CHCHD3: variants seen among roughly 807,000 people sequenced by gnomAD.
CHCHD3 encodes MICOS complex subunit MIC19.
Under a neutral mutation model 38.2 loss-of-function variants are expected in CHCHD3, and 20 were observed. The observed-to-expected ratio is 0.52, with a 90% confidence interval of 0.37 to 0.76. The LOEUF (loss-of-function observed/expected upper bound fraction) is 0.76. CHCHD3 is among the 30% of genes least tolerant of loss of function. The probability of loss-of-function intolerance (pLI) is 0.00; values close to 1 mark genes in which losing one functional copy is unlikely to be tolerated. For missense variants in CHCHD3, 245 were observed against 279.2 expected, an observed-to-expected ratio of 0.88 and a Z score of 0.87; for synonymous variants, 82 against 100.0, an observed-to-expected ratio of 0.82 and a Z score of 1.07.
In CHCHD3 at chr7:132,815,659, C is replaced by T. The variant is rs750147294; in HGVS notation, c.525-19082G>A. On this transcript the variant is annotated intron_variant, in intron 6 of 7. Coordinates refer to ENST00000262570, the MANE Select transcript of CHCHD3 (RefSeq NM_017812.4). ...GGTAGGAAAAAAAGTGAAAAGAGAA[C>T]AGAGAAAAGATATGAAAATTGCATT... The T allele has an allele frequency of 5.8e-4, 261 of 451,492 alleles. 2 individuals carry two copies. The highest frequency in any genetic ancestry group is 1.4e-4 in the Non-Finnish European group (32 of 225,456). 28.0% of individuals were successfully genotyped at this position (451,492 alleles called of 1,614,324 possible).
At chr7:132,985,626 T>G (rs1812089734) in intron 3 of CHCHD3, among the ~76,000 whole-genome samples, 1 of 69,038 alleles carries the variant, frequency 1.4e-5, no homozygotes, top group African/African-American at 5.6e-5. Context: ...CCGCCCCTAC[T>G]GGGAAGAGAG....
At chr7:133,037,438 G>C (rs1034450635) in intron 2 of CHCHD3, among the ~76,000 whole-genome samples, 1 of 152,148 alleles carries the variant, frequency 6.6e-6, no homozygotes, top group African/African-American at 2.4e-5. Context: ...AAAGATACCA[G>C]GCTGAACACA....
chr7:132,846,923 G>A (rs1442888397), intron 5 of CHCHD3, among the ~76,000 whole-genome samples: 4 of 152,224 alleles, frequency 2.6e-5, no homozygotes, highest in Non-Finnish European at 4.4e-5. Flanking sequence ...TACAGTAACA[G>A]TTGAAGCTCG....
At chr7:132,942,662 A>T (rs1462575649) in intron 4 of CHCHD3, among the ~76,000 whole-genome samples, 1 of 152,206 alleles carries the variant, frequency 6.6e-6, no homozygotes, top group Non-Finnish European at 1.5e-5. Context: ...TAAAAATAAT[A>T]TGATGGGATC....
In CHCHD3 at chr7:132,826,411, A is replaced by C. The variant is rs551637929; in HGVS notation, c.524+11988T>G. 2.0e-5 allele frequency among the ~76,000 whole-genome samples: 3 copies of C among 152,352 alleles called. No homozygotes were observed. The East Asian group carries it at 5.8e-4, about 29-fold the overall frequency. ...GTATCACTGCACAGTGTTTCTTGCC[A>C]GCTTCATCCAGAAACACTAGCTGAG... is the stretch of plus-strand genomic sequence containing the variant. On this transcript the variant is annotated intron_variant, in intron 6 of 7. Transcript: ENST00000262570.
intron 2 of CHCHD3, among the ~76,000 whole-genome samples, chr7:133,026,385 GA>G (rs756027440): frequency 2.6e-5 from 4 of 152,258 alleles, no homozygotes; most frequent in Non-Finnish European, 5.9e-5. Context: ...AAGTGTTGGT[GA>G]AGATGTAAAG....
chr7:133,046,866 T>G (rs1173930936), intron 2 of CHCHD3, among the ~76,000 whole-genome samples: 1 of 152,108 alleles, frequency 6.6e-6, no homozygotes, highest in Non-Finnish European at 1.5e-5. Context: ...CCCGGCCATA[T>G]TTTTTGTATT....
chr7:132,917,692 T>C (rs554988890), intron 4 of CHCHD3, among the ~76,000 whole-genome samples: 1 of 152,034 alleles, frequency 6.6e-6, no homozygotes, highest in African/African-American at 2.4e-5. Context: ...CCCCCGTCTC[T>C]ACTAAAAATA....
intron 2 of CHCHD3, among the ~76,000 whole-genome samples, chr7:133,044,447 A>C (rs1251918872): frequency 1.3e-5 from 2 of 152,226 alleles, no homozygotes; most frequent in African/African-American, 4.8e-5. Context: ...GTTTCCTGAT[A>C]GGATGCAGCA....
At chr7:132,975,405 C>T (rs1406200991) in intron 3 of CHCHD3, 119 bp from the exon 4 acceptor site, 5 of 771,262 alleles carry the variant, frequency 6.5e-6, no homozygotes, top group South Asian at 3.7e-5. Flanking sequence ...CAGCTGAAAT[C>T]ATCTTGGCCC....
chr7:132,898,974 C>G (rs1809593030), intron 4 of CHCHD3, among the ~76,000 whole-genome samples: 1 of 152,202 alleles, frequency 6.6e-6, no homozygotes, highest in Non-Finnish European at 1.5e-5. Context: ...CCCCGGTTCC[C>G]GCTCGCGCCT....
At chr7:132,840,053 T>C (rs538666402) in intron 5 of CHCHD3, among the ~76,000 whole-genome samples, 73 of 152,370 alleles carry the variant, frequency 4.8e-4, no homozygotes, top group South Asian at 4.3e-3. Flanking sequence ...ATTTGAGTGA[T>C]CAACTGTAAT....
Position 133,018,947 on chromosome 7 carries a change from G to C in CHCHD3, c.251+5599C>G, listed in dbSNP as rs562073096. On this transcript the variant is annotated intron_variant, in intron 3 of 7. Transcript: ENST00000262570. ...TGCCCAGGCTGGAGTGCAGTGGCGC[G>C]ATCTTGGCTCACCACAACCTCCACC... Among the ~76,000 whole-genome samples, 15 of 142,532 alleles carry C rather than the reference G, an allele frequency of 1.1e-4. No homozygotes were observed. The South Asian group carries it at 3.1e-3, about 30-fold the overall frequency. The allele number at this position is 142,532 out of a possible 152,430, so 93.5% of individuals were successfully genotyped here. A position where few individuals can be genotyped will look rare whatever the true frequency, so the allele number is the denominator to read the frequency against.
intron 4 of CHCHD3, among the ~76,000 whole-genome samples, chr7:132,915,681 C>T (rs1322487856): frequency 3.3e-5 from 5 of 152,162 alleles, no homozygotes; most frequent in African/African-American, 9.7e-5. Context: ...ATTAATCCCA[C>T]CCCAACTATT....
chr7:133,000,634 G>A (rs973289171), intron 3 of CHCHD3, among the ~76,000 whole-genome samples: 1 of 152,070 alleles, frequency 6.6e-6, no homozygotes, highest in African/African-American at 2.4e-5. Flanking sequence ...GAGCAACACT[G>A]ACTAATGCAA....
chr7:132,832,614 C>T (rs529477884), intron 6 of CHCHD3, among the ~76,000 whole-genome samples: 2 of 152,326 alleles, frequency 1.3e-5, no homozygotes, highest in South Asian at 4.1e-4. Flanking sequence ...TTTACTATCA[C>T]ATTGTCTTTA....
At chr7:133,060,618 C>G (rs1814476642) in intron 2 of CHCHD3, among the ~76,000 whole-genome samples, 1 of 152,066 alleles carries the variant, frequency 6.6e-6, no homozygotes, top group African/African-American at 2.4e-5. Context: ...GGTCAAAAAC[C>G]CAAAAGGAGG....
chr7:133,018,875 C>CTTTTTTTTT (rs5887607), intron 3 of CHCHD3, among the ~76,000 whole-genome samples: 27 of 70,160 alleles, frequency 3.8e-4, no homozygotes, highest in Non-Finnish European at 4.9e-4. Context: ...CATGATTTCT[C>CTTTTTTTTT]TTTTTTTTTT....
intron 7 of CHCHD3, among the ~76,000 whole-genome samples, chr7:132,796,031 T>C (rs1563237466): frequency 6.6e-6 from 1 of 152,054 alleles, no homozygotes; most frequent in East Asian, 1.9e-4. Context: ...TGTTTTGTTT[T>C]TTTTTTAACC....
Sources: allele counts gnomAD v4.1 joint callset (sites outside exome capture counted in the v4.1 genomes callset), GRCh38; gene constraint gnomAD v4.1.1; transcripts MANE v1.5; gene names NCBI Gene and HGNC (gene_info 2026-07-23, HGNC 2026-07-21).